The following C3orf52 variants were observed in gnomAD, a reference collection of about 807,000 sequenced individuals.
C3orf52 encodes TPA-induced transmembrane protein.
A neutral mutation model predicts 24.8 loss-of-function variants in C3orf52; 22 were observed. The observed-to-expected ratio is 0.89, with a 90% CI of 0.63 to 1.27. C3orf52 has a LOEUF of 1.27. Ranked by LOEUF, C3orf52 falls within the 50% of genes most tolerant of loss-of-function variation. The pLI, the probability that C3orf52 is intolerant of heterozygous loss-of-function variation, is 0.00. For synonymous variants in C3orf52, 93 were observed against 100.2 expected, an observed-to-expected ratio of 0.93 and a Z score of 0.43; for missense variants, 265 against 260.7, an observed-to-expected ratio of 1.02 and a Z score of -0.11.
At chr3:112,093,080 T>C (rs556034158) in intron 1 of C3orf52, among the ~76,000 whole-genome samples, 1 of 152,326 alleles carries the variant, frequency 6.6e-6, no homozygotes, top group Admixed American at 6.5e-5. Flanking sequence ...ATCCACACTT[T>C]GGATGCTCTT....
chr3:112,112,750 G>A, intron 4 of C3orf52: 2 of 592,568 alleles, frequency 3.4e-6, no homozygotes, highest in South Asian at 1.8e-5. Context: ...GTACTAGGTG[G>A]AAGGAGGAGG....
At chr3:112,128,489 A>G (rs2074380028) in exon 5 of C3orf52, 3 of 326,326 alleles carry the variant, frequency 9.2e-6, no homozygotes, top group South Asian at 2.6e-5. Flanking sequence ...GTATATTGCA[A>G]TTGTTTGCTC....
In C3orf52 at chr3:112,091,976, C is replaced by T. The variant is rs1334267997; in HGVS notation, c.139-1384C>T. Among the ~76,000 whole-genome samples the T allele has an allele frequency of 2.0e-5, 3 of 151,034 alleles. 1 individual carries two copies. Among genetic ancestry groups the T allele is most frequent in the East Asian group, 3.9e-4 (2 of 5,100 alleles). On this transcript the variant is annotated intron_variant, in intron 1 of 5. Coordinates refer to ENST00000264848, the MANE Select transcript of C3orf52 (RefSeq NM_024616.3). Reference sequence around the variant, plus strand: ...CGGAGATCGTGCTGCTGCACTCCAGCCTGGGCGACAGAGCGAGACTCCATC... The same window carrying T: ...CGGAGATCGTGCTGCTGCACTCCAGTCTGGGCGACAGAGCGAGACTCCATC...
In C3orf52 at chr3:112,126,991, G is replaced by A. The variant is rs34566009; in HGVS notation, c.*47-1242G>A. On this transcript the variant is annotated intron_variant, in intron 4 of 4. Coordinates refer to the C3orf52 transcript ENST00000480282. ...ACTAGGAAATCAATGACTTACTTTC[G>A]TTTTGGGAATCTTGCCTCTTTTCAA... is the stretch of plus-strand genomic sequence containing the variant. 1.5e-3 allele frequency: 2,366 copies of A among 1,583,824 alleles called. 18 individuals carry two copies. The African/African-American group carries it at 0.025, about 16-fold the overall frequency.
At chr3:112,122,791 T>C (rs1471116992), downstream of C3orf52, 3 of 152,212 alleles carry the variant, frequency 2.0e-5, no homozygotes, top group Non-Finnish European at 2.9e-5. Flanking sequence ...TTCTTAACAT[T>C]GTCTGATGGC....
chr3:112,122,579 A>G (rs1339937940), downstream of C3orf52: 1 of 152,224 alleles, frequency 6.6e-6, no homozygotes, highest in African/African-American at 2.4e-5. Flanking sequence ...ACATGACATT[A>G]TTAAATATAT....
chr3:112,104,695 A>C (rs755147620), intron 3 of C3orf52, among the ~76,000 whole-genome samples: 4 of 151,892 alleles, frequency 2.6e-5, no homozygotes, highest in Non-Finnish European at 4.4e-5. Flanking sequence ...GGTTACATGA[A>C]TAAGTTCTTT....
At chr3:112,126,106 A>T (rs1417843787) in intron 4 of C3orf52, among the ~76,000 whole-genome samples, 2 of 152,184 alleles carry the variant, frequency 1.3e-5, no homozygotes, top group African/African-American at 4.8e-5. Context: ...TAAGAAAAGC[A>T]TCTTCAGCAT....
At chr3:112,109,212 T>C (rs1576146048) in intron 3 of C3orf52, among the ~76,000 whole-genome samples, 1 of 152,102 alleles carries the variant, frequency 6.6e-6, no homozygotes, top group Non-Finnish European at 1.5e-5. Flanking sequence ...AGCAGCCATT[T>C]TGGGGTCTTC....
intron 1 of C3orf52, among the ~76,000 whole-genome samples, chr3:112,089,211 T>C (rs1245924783): frequency 4.6e-5 from 7 of 152,108 alleles, no homozygotes; most frequent in African/African-American, 1.2e-4. Flanking sequence ...AACCAGTAAA[T>C]TGATAGTTTT....
chr3:112,127,753 A>C (rs901605358), intron 4 of C3orf52, among the ~76,000 whole-genome samples: 2 of 152,214 alleles, frequency 1.3e-5, no homozygotes, highest in Non-Finnish European at 2.9e-5. Flanking sequence ...GTGTGAAAAA[A>C]ACGTATGTTT....
At chr3:112,086,800 G>A (rs1559968225) in intron 1 of C3orf52, among the ~76,000 whole-genome samples, 1 of 152,190 alleles carries the variant, frequency 6.6e-6, no homozygotes, top group Non-Finnish European at 1.5e-5. Flanking sequence ...TAGTGGTGAG[G>A]TGTGGCCGCT....
At chr3:112,120,730 A>ATG (rs2074179894), downstream of C3orf52, 1 of 152,134 alleles carries the variant, frequency 6.6e-6, no homozygotes. Context: ...TCGTATACAA[A>ATG]TGTGTGTGTA....
In C3orf52 at chr3:112,117,045, C is replaced by G. The variant is rs745685068; in HGVS notation, c.*399C>G. 2.2e-6 allele frequency: 2 copies of G among 917,758 alleles called. No individual in the cohort carries two copies. Among genetic ancestry groups the G allele is most frequent in the South Asian group, 1.7e-5 (1 of 60,444 alleles). The allele number at this position is 917,758 out of a possible 1,614,324, so 56.9% of individuals were successfully genotyped here. On this transcript the variant is annotated 3_prime_UTR_variant, in exon 6 of 6. Coordinates refer to ENST00000264848, the MANE Select transcript of C3orf52 (RefSeq NM_024616.3). ...ATGGCACTGCTATTCTTGAAGCACT[C>G]CACCCACCTGGGCTACTTTTTCTTT...
intron 1 of C3orf52, among the ~76,000 whole-genome samples, chr3:112,086,909 G>A (rs1385723782): frequency 6.6e-6 from 1 of 152,198 alleles, no homozygotes; most frequent in Non-Finnish European, 1.5e-5. Flanking sequence ...GAATGAGAAT[G>A]ACAAATTGAG....
intron 5 of C3orf52, among the ~76,000 whole-genome samples, chr3:112,113,570 ATC>A (rs1303639758): frequency 6.6e-6 from 1 of 152,220 alleles, no homozygotes; most frequent in Non-Finnish European, 1.5e-5. Flanking sequence ...CTGAAAGAGT[ATC>A]TCAATATGGG....
intron 3 of C3orf52, among the ~76,000 whole-genome samples, chr3:112,107,896 A>G (rs1260547964): frequency 1.3e-5 from 2 of 152,186 alleles, no homozygotes; most frequent in Non-Finnish European, 2.9e-5. Context: ...AGCGTCCTTG[A>G]CATTCCATTT....
intron 4 of C3orf52, among the ~76,000 whole-genome samples, chr3:112,123,988 C>CAGA (rs2074254109): frequency 6.6e-6 from 1 of 152,214 alleles, no homozygotes; most frequent in African/African-American, 2.4e-5. Flanking sequence ...GGTGCATCCT[C>CAGA]TGCCCCTTGT....
downstream of C3orf52, among the ~76,000 whole-genome samples, chr3:112,120,645 A>G (rs1007490927): frequency 6.6e-6 from 1 of 152,156 alleles, no homozygotes; most frequent in African/African-American, 2.4e-5. Context: ...AGTAATTTAA[A>G]TGCTCAGGCT....
Sources: gnomAD v4.1 joint callset for allele counts (sites outside exome capture counted in the v4.1 genomes callset) on GRCh38, gnomAD v4.1.1 for gene constraint, MANE v1.5 for transcripts, NCBI Gene and HGNC (gene_info 2026-07-23, HGNC 2026-07-21) for gene names.